Variants in PLXNB1 observed in about 807,000 individuals in gnomAD.
PLXNB1 encodes plexin B1, also known as plexin-B1.
In PLXNB1, 106 loss-of-function variants were observed where a neutral mutation model predicts 209.4. The observed-to-expected ratio is 0.51, with a 90% CI of 0.43 to 0.59. PLXNB1 has a LOEUF of 0.59. Ranked by LOEUF, PLXNB1 falls within the 20% of genes least tolerant of loss-of-function variation. The pLI is 0.00. For missense variants in PLXNB1, 2,357 were observed against 2,853.2 expected (o/e 0.83, Z 3.96); for synonymous variants, 1,167 against 1,183.2 (o/e 0.99, Z 0.28).
chr3:48,418,714 G>T lies in PLXNB1; in HGVS notation c.2956-172C>A, dbSNP rs2038274918. ...AGAAATGGAGTATGGGGACCCCATG[G>T]GGTCTCAAGTTAGAGTTCAGAGCTG... On this transcript the variant is annotated intron_variant, in intron 13 of 37. Coordinates refer to ENST00000296440, the MANE Select transcript of PLXNB1 (RefSeq NM_001130082.3). This position sits in a 1 kb window ranked among gnomAD's most constrained non-coding sequence, Gnocchi z 6.6. Among the ~76,000 whole-genome samples, 1 of 152,164 alleles carries T rather than the reference G, an allele frequency of 6.6e-6. No individual in the cohort carries two copies. The highest frequency in any genetic ancestry group is 1.5e-5 in the Non-Finnish European group (1 of 68,016).
At chr3:48,422,522 C>T in intron 4 of PLXNB1, 63 bp from the exon 5 acceptor site, 2 of 1,476,286 alleles carry the variant, frequency 1.4e-6, no homozygotes, top group South Asian at 1.3e-5. Context: ...AAGCCCTCCC[C>T]TCCTCCACCC....
chr3:48,419,679 G>A lies in PLXNB1; in HGVS notation c.2607C>T (p.Leu869=), dbSNP rs2038355780. ...DAPAFSTSTL[L]SGDGDSAELE... is the part of the protein sequence containing the mutation. Reference sequence around the variant, plus strand: ...GCTCTGCTGAGTCTCCATCACCTGAGAGGAGGGTGGAAGTGGAGAAGGCGG... The same window carrying A: ...GCTCTGCTGAGTCTCCATCACCTGAAAGGAGGGTGGAAGTGGAGAAGGCGG... Residue 869 remains leucine (L), a synonymous_variant, in exon 11 of 38, where the codon CTC becomes CTT. Coordinates refer to ENST00000296440, the MANE Select transcript of PLXNB1 (RefSeq NM_001130082.3). This position sits in a 1 kb window ranked among gnomAD's most constrained non-coding sequence, Gnocchi z 5.7. 6.2e-7 allele frequency: 1 copy of A among 1,612,660 alleles called. No individual in the cohort carries two copies. Among genetic ancestry groups the A allele is most frequent in the Non-Finnish European group, 8.5e-7 (1 of 1,179,968 alleles).
chr3:48,415,148 A>G lies in PLXNB1; in HGVS notation c.3966+28T>C, dbSNP rs771358216. The G allele has an allele frequency of 1.9e-6, 3 of 1,607,072 alleles. No individual in the cohort carries two copies. The highest frequency in any genetic ancestry group is 1.7e-5 in the Admixed American group (1 of 59,902). ...AGGGTGTGGTATGGGGCAAGGGGAG[A>G]GTGTGGGGGTACCCAAGGGTGTCCT... is the stretch of plus-strand genomic sequence containing the variant. On this transcript the variant is annotated intron_variant, in intron 20 of 37. Coordinates refer to ENST00000296440, the MANE Select transcript of PLXNB1 (RefSeq NM_001130082.3). This position sits in a 1 kb window ranked among gnomAD's most constrained non-coding sequence, Gnocchi z 5.0.
chr3:48,410,488 C>T lies in PLXNB1; in HGVS notation c.5487G>A (p.Leu1829=). The change falls in exon 30 of 38, where the codon CTG becomes CTA. Residue 1829 remains leucine (L), a synonymous_variant. Coordinates refer to ENST00000296440, the MANE Select transcript of PLXNB1 (RefSeq NM_001130082.3). The surrounding 1 kb of genome is among the most constrained non-coding windows in gnomAD (Gnocchi z 6.4). ...DEDVTSEVQG[L]WRRLNTLQHY... is the part of the protein sequence containing the mutation. ...GCTGCAGTGTGTTCAGGCGCCTCCA[C>T]AGACCCTGGACCTCAGAAGTGACAT... 1 of 1,614,032 alleles carries T rather than the reference C, an allele frequency of 6.2e-7. No homozygotes were observed. Among genetic ancestry groups the T allele is most frequent in the East Asian group, 2.2e-5 (1 of 44,880 alleles).
chr3:48,410,575 G>C lies in PLXNB1; in HGVS notation c.5417-17C>G, dbSNP rs368340989. On this transcript the variant is annotated splice_polypyrimidine_tract_variant and intron_variant, in intron 29 of 37. Transcript: ENST00000296440. The surrounding 1 kb of genome is among the most constrained non-coding windows in gnomAD (Gnocchi z 6.4). ...ACCGCCACTCTGCAAGGGCAAGGCA[G>C]AACTGGGTGCAGGGCTGGAAGATAC... 2 of 1,600,472 alleles carry C rather than the reference G, an allele frequency of 1.2e-6. No individual in the cohort carries two copies. Among genetic ancestry groups the C allele is most frequent in the African/African-American group, 2.7e-5 (2 of 74,658 alleles).
chr3:48,405,647 G>A lies in PLXNB1; in HGVS notation c.6303+77C>T, dbSNP rs2037273416. On this transcript the variant is annotated intron_variant, in intron 37 of 37. Coordinates refer to ENST00000296440, the MANE Select transcript of PLXNB1 (RefSeq NM_001130082.3). The surrounding 1 kb of genome is among the most constrained non-coding windows in gnomAD (Gnocchi z 5.0). ...GGGAAGACCAAAGCCCCCAACGTGA[G>A]TCACAGGGTCAGAGCCCCTTAAGTC... The A allele has an allele frequency of 6.9e-6, 8 of 1,162,798 alleles. No individual in the cohort carries two copies. In the East Asian group the frequency reaches 1.9e-4, roughly 28 times the overall value. The allele number at this position is 1,162,798 out of a possible 1,614,324, so 72.0% of individuals were successfully genotyped here. A position where few individuals can be genotyped will look rare whatever the true frequency, so the allele number is the denominator to read the frequency against.
chr3:48,414,218 G>C (rs2106823923), intron 21 of PLXNB1, 147 bp from the exon 22 acceptor site: 1 of 679,300 alleles, frequency 1.5e-6, no homozygotes, highest in African/African-American at 1.8e-5. Flanking sequence ...CAGTCACACG[G>C]TGTCCTCCAA....
Position 48,418,814 on chromosome 3 carries a change from C to A in PLXNB1, c.2955+103G>T. On this transcript the variant is annotated intron_variant, in intron 13 of 37. Transcript: ENST00000296440. This position sits in a 1 kb window ranked among gnomAD's most constrained non-coding sequence, Gnocchi z 6.6. ...GGAGACTCCCTCAGGGCGACACGGT[C>A]AGAGCGTGGCTCTGGAAAGTGTGGT... 1.4e-6 allele frequency: 2 copies of A among 1,448,766 alleles called. No homozygotes were observed. The highest frequency in any genetic ancestry group is 1.2e-5 in the South Asian group (1 of 82,780). The allele number at this position is 1,448,766 out of a possible 1,614,324, so 89.7% of individuals were successfully genotyped here. A position where few individuals can be genotyped will look rare whatever the true frequency, so the allele number is the denominator to read the frequency against.
chr3:48,428,308 G>A (rs1438216855), intron 1 of PLXNB1, among the ~76,000 whole-genome samples: 1 of 152,040 alleles, frequency 6.6e-6, no homozygotes, highest in African/African-American at 2.4e-5. Flanking sequence ...ACACAGCCAG[G>A]ATCTCCTGCC....
At position 48,404,531 on chromosome 3, in the gene PLXNB1, G is replaced by C. The variant is rs2037194326; in HGVS notation, c.6363C>G (p.Leu2121=). Residue 2121 remains leucine, a synonymous_variant, in exon 38 of 38, where the codon CTC becomes CTG. Transcript: ENST00000296440. ...TTTCCACAGCAGCTGCAATCTGCTG[G>C]AGCCGATAGCCCAGCTGCATCTTCT... ...TAQKMQLGYR[L]QQIAAAVENK... The C allele has an allele frequency of 6.2e-7, 1 of 1,613,878 alleles. No homozygotes were observed. Among genetic ancestry groups the C allele is most frequent in the East Asian group, 2.2e-5 (1 of 44,884 alleles).
At position 48,413,863 on chromosome 3, in the gene PLXNB1, T is replaced by C. The variant is rs2037871664; in HGVS notation, c.4386+32A>G. On this transcript the variant is annotated intron_variant, in intron 22 of 37. Coordinates refer to ENST00000296440, the MANE Select transcript of PLXNB1 (RefSeq NM_001130082.3). This position sits in a 1 kb window ranked among gnomAD's most constrained non-coding sequence, Gnocchi z 5.4. Reference sequence around the variant, plus strand: ...TGAGCAAGGGTTTGGCCCAGGTCAATGCCCAGCCCGGCCAGGGACCTGCCC... The same window carrying C: ...TGAGCAAGGGTTTGGCCCAGGTCAACGCCCAGCCCGGCCAGGGACCTGCCC... 8.1e-6 allele frequency: 13 copies of C among 1,607,466 alleles called. No individual in the cohort carries two copies. The highest frequency in any genetic ancestry group is 9.4e-6 in the Non-Finnish European group (11 of 1,175,350).
rs143760363 is a variant in PLXNB1 at position 48,416,057 on chromosome 3, C to G, written c.3591G>C (p.Val1197=). ...AGTGACAAGGCTGGTCTCCAACCAC[C>G]ACTCGGATGTCCTCCAGCCGCCCAG... ...LLTGRLEDIR[V]VVGDQPCHLL... Residue 1197 remains valine, a synonymous_variant, in exon 18 of 38, where the codon GTG becomes GTC. Transcript: ENST00000296440. This position sits in a 1 kb window ranked among gnomAD's most constrained non-coding sequence, Gnocchi z 4.1. 4 of 1,602,588 alleles carry G rather than the reference C, an allele frequency of 2.5e-6. No homozygotes were observed. The Admixed American group carries it at 6.8e-5, about 27-fold the overall frequency.
chr3:48,419,381 G>A lies in PLXNB1; in HGVS notation c.2710-15C>T. ...GTCGCCTCTTCCTGCAGGCACCAAG[G>A]GCAAGGCAGTCTATGGAGCCCACCC... On this transcript the variant is annotated splice_polypyrimidine_tract_variant and intron_variant, in intron 11 of 37. Coordinates refer to ENST00000296440, the MANE Select transcript of PLXNB1 (RefSeq NM_001130082.3). This position sits in a 1 kb window ranked among gnomAD's most constrained non-coding sequence, Gnocchi z 5.7. 6.5e-7 allele frequency: 1 copy of A among 1,546,648 alleles called. No individual in the cohort carries two copies. The highest frequency in any genetic ancestry group is 8.7e-7 in the Non-Finnish European group (1 of 1,144,260).
chr3:48,420,479 C>T (rs868316620), intron 10 of PLXNB1, among the ~76,000 whole-genome samples, 186 bp downstream of exon 10: 50 of 152,154 alleles, frequency 3.3e-4, no homozygotes, highest in Admixed American at 1.3e-4. Context: ...CTCTCAGCTA[C>T]AAATGCCCTC....
At position 48,423,844 on chromosome 3, in the gene PLXNB1, C is replaced by T. The variant is rs370893556; in HGVS notation, c.768G>A (p.Gln256=). 6.2e-6 allele frequency: 10 copies of T among 1,613,922 alleles called. No homozygotes were observed. The highest frequency in any genetic ancestry group is 8.5e-6 in the Non-Finnish European group (10 of 1,180,028). ...AYVSRVCLRD[Q]HYYSYVELPL... The stretch of plus-strand genomic sequence containing the variant: ...GCAACTCCACATAGGAGTAGTAGTG[C>T]TGGTCCCGGAGACACACTCGAGATA... Residue 256 remains glutamine (Q), a synonymous_variant, in exon 3 of 38, where the codon CAG becomes CAA. Coordinates refer to ENST00000296440, the MANE Select transcript of PLXNB1 (RefSeq NM_001130082.3).
chr3:48,408,987 A>C (rs1371556288), intron 34 of PLXNB1, among the ~76,000 whole-genome samples: 1 of 152,192 alleles, frequency 6.6e-6, no homozygotes, highest in Admixed American at 6.5e-5. Context: ...GTCTGGTCAC[A>C]TAACTTCCCT....
At chr3:48,414,755 G>T in intron 21 of PLXNB1, 44 bp downstream of exon 21, 1 of 1,597,032 alleles carries the variant, frequency 6.3e-7, no homozygotes, top group Non-Finnish European at 8.5e-7. Flanking sequence ...GTCCAGCCAA[G>T]GGAAGGGTCT....
In PLXNB1 at chr3:48,412,898, G is replaced by A. The variant is rs1179787064; in HGVS notation, c.4698C>T (p.Leu1566=). The A allele has an allele frequency of 7.4e-6, 12 of 1,614,078 alleles. No individual in the cohort carries two copies. The highest frequency in any genetic ancestry group is 3.3e-5 in the Admixed American group (2 of 60,032). The change falls in exon 25 of 38, where the codon CTC becomes CTT. Residue 1566 remains leucine (L), a synonymous_variant. Coordinates refer to ENST00000296440, the MANE Select transcript of PLXNB1 (RefSeq NM_001130082.3). The stretch of plus-strand genomic sequence containing the variant: ...TCCTCTCCGCATACACCTTGTAGTC[G>A]AGGAAGGGGATGCCGCTGCCCAGGA... ...SDLLGSGIPF[L]DYKVYAERIF... is the part of the protein sequence containing the mutation.
At position 48,406,725 on chromosome 3, in the gene PLXNB1, G is replaced by A; in HGVS notation, c.6228+98C>T. ...CCAACCAGCTCACAGGGCTGCTGAG[G>A]TTCCCAAGGGCTTCCCTGCAAAGGG... On this transcript the variant is annotated intron_variant, in intron 36 of 37. Transcript: ENST00000296440. The surrounding 1 kb of genome is among the most constrained non-coding windows in gnomAD (Gnocchi z 4.4). 1 of 1,478,412 alleles carries A rather than the reference G, an allele frequency of 6.8e-7. No individual in the cohort carries two copies. Among genetic ancestry groups the A allele is most frequent in the Non-Finnish European group, 9.0e-7 (1 of 1,110,094 alleles). The allele number at this position is 1,478,412 out of a possible 1,614,324, so 91.6% of individuals were successfully genotyped here. A position where few individuals can be genotyped will look rare whatever the true frequency, so the allele number is the denominator to read the frequency against.
Sources: gnomAD v4.1 joint callset for allele counts (sites outside exome capture counted in the v4.1 genomes callset) on GRCh38, gnomAD v4.1.1 for gene constraint, Gnocchi (gnomAD v3.1) non-coding constraint, MANE v1.5 for transcripts, NCBI Gene and HGNC (gene_info 2026-07-23, HGNC 2026-07-21) for gene names.